Variants in TNFRSF10A observed in about 807,000 individuals in gnomAD.
TNFRSF10A encodes TNF receptor superfamily member 10a, also known as tumor necrosis factor receptor superfamily member 10A.
A neutral mutation model predicts 42.8 loss-of-function variants in TNFRSF10A; 44 were observed. The observed-to-expected ratio is 1.03, with a 90% CI of 0.81 to 1.32. The LOEUF is 1.32. Among genes scored for constraint, TNFRSF10A ranks in the 40% most tolerant of loss-of-function variants. The pLI is 0.00. For synonymous variants in TNFRSF10A, 259 were observed against 234.2 expected, an observed-to-expected ratio of 1.11 and a Z score of -0.97; for missense variants, 680 against 602.0, an observed-to-expected ratio of 1.13 and a Z score of -1.36.
chr8:23,192,025 A>C lies in TNFRSF10A; in HGVS notation c.1088-12T>G. The C allele has an allele frequency of 1.2e-6, 2 of 1,606,958 alleles. No individual in the cohort carries two copies. Among genetic ancestry groups the C allele is most frequent in the Non-Finnish European group, 1.7e-6 (2 of 1,177,660 alleles). ...GAACAGCATCAGAGCTGGGTGGAGAAAGCCACAGAGACAGCCAGATGAGTT... is the reference window on the plus strand; with the variant it reads ...GAACAGCATCAGAGCTGGGTGGAGACAGCCACAGAGACAGCCAGATGAGTT... On this transcript the variant is annotated splice_polypyrimidine_tract_variant and intron_variant, in intron 9 of 9. Transcript: ENST00000221132.
chr8:23,212,807 A>G (rs1801108977), intron 1 of TNFRSF10A, among the ~76,000 whole-genome samples: 1 of 152,254 alleles, frequency 6.6e-6, no homozygotes, highest in South Asian at 2.1e-4. Flanking sequence ...GCCAACAGCT[A>G]CCATCCTACT....
chr8:23,197,029 C>T, intron 9 of TNFRSF10A, 103 bp downstream of exon 9: 2 of 1,492,790 alleles, frequency 1.3e-6, no homozygotes, highest in Non-Finnish European at 1.9e-6. Flanking sequence ...CAGTTTCTGG[C>T]ATGGAATGCT....
intron 3 of TNFRSF10A, 23 bp downstream of exon 3, chr8:23,202,625 C>G: frequency 6.3e-7 from 1 of 1,596,016 alleles, no homozygotes; most frequent in African/African-American, 1.3e-5. Flanking sequence ...CACCTCTGGA[C>G]AAGAGGTCCA....
chr8:23,222,259 T>G (rs1242656124), intron 1 of TNFRSF10A, among the ~76,000 whole-genome samples: 2 of 152,204 alleles, frequency 1.3e-5, no homozygotes, highest in Non-Finnish European at 2.9e-5. Flanking sequence ...AACAAAATTC[T>G]ACATTGATGA....
chr8:23,201,723 G>C (rs747595949), intron 4 of TNFRSF10A, 85 bp downstream of exon 4: 11 of 1,259,008 alleles, frequency 8.7e-6, no homozygotes, highest in Admixed American at 1.9e-5. Flanking sequence ...ATAGATACGG[G>C]TACAAGGAGA....
intron 9 of TNFRSF10A, among the ~76,000 whole-genome samples, chr8:23,192,441 G>A (rs570610351): frequency 6.6e-6 from 1 of 152,316 alleles, no homozygotes; most frequent in East Asian, 1.9e-4. Context: ...GAAAGTGCAG[G>A]GTCTGGGGCA....
intron 2 of TNFRSF10A, among the ~76,000 whole-genome samples, chr8:23,206,657 G>A (rs1165820722): frequency 6.6e-6 from 1 of 152,168 alleles, no homozygotes; most frequent in Non-Finnish European, 1.5e-5. Context: ...ATCATTAACT[G>A]AGGCATGACT....
chr8:23,199,304 C>T lies in TNFRSF10A; in HGVS notation c.976G>A (p.Val326Ile), dbSNP rs140844059. 1.1e-5 allele frequency: 18 copies of T among 1,614,092 alleles called. No individual in the cohort carries two copies. In the African/African-American group the frequency reaches 2.3e-4, roughly 20 times the overall value. The change falls in exon 8 of 10, where the codon GTC becomes ATC. Residue 326 changes from valine to isoleucine, a missense_variant. Transcript: ENST00000221132. ...GCCTCCCCTGGGGACTGTACAGTGACACCTGTCAAATCTGCCGGCTCCTGG... is the reference window on the plus strand; with the variant it reads ...GCCTCCCCTGGGGACTGTACAGTGATACCTGTCAAATCTGCCGGCTCCTGG... ...ESQEPADLTG[V>I]TVQSPGEAQC...
intron 6 of TNFRSF10A, 62 bp downstream of exon 6, chr8:23,200,443 G>C: frequency 1.9e-6 from 3 of 1,584,190 alleles, no homozygotes; most frequent in South Asian, 2.2e-5. Flanking sequence ...GTTTCTGTCT[G>C]TGGGAACAGA....
At chr8:23,207,632 T>C (rs1221885036) in intron 2 of TNFRSF10A, among the ~76,000 whole-genome samples, 1 of 152,182 alleles carries the variant, frequency 6.6e-6, no homozygotes, top group Non-Finnish European at 1.5e-5. Flanking sequence ...AGGGATCCAA[T>C]GGGAGGTAAT....
chr8:23,192,266 C>T (rs529659011), intron 9 of TNFRSF10A, among the ~76,000 whole-genome samples: 25 of 152,344 alleles, frequency 1.6e-4, no homozygotes, highest in African/African-American at 5.0e-4. Context: ...GGGCTGAGAA[C>T]CCACCTGGGG....
intron 2 of TNFRSF10A, among the ~76,000 whole-genome samples, chr8:23,209,673 C>G (rs1317581626): frequency 1.3e-5 from 2 of 152,200 alleles, no homozygotes; most frequent in Non-Finnish European, 2.9e-5. Flanking sequence ...GACAATGTCA[C>G]CCATTTGGAA....
intron 1 of TNFRSF10A, among the ~76,000 whole-genome samples, chr8:23,217,142 C>A (rs1294645979): frequency 1.3e-5 from 2 of 152,122 alleles, no homozygotes; most frequent in South Asian, 2.1e-4. Flanking sequence ...TCCTTTTGAG[C>A]GTTGCTTCAT....
intron 7 of TNFRSF10A, 58 bp from the exon 8 acceptor site, chr8:23,199,506 G>A (rs542247347): frequency 9.5e-6 from 15 of 1,581,358 alleles, no homozygotes; most frequent in East Asian, 2.3e-5. Context: ...CACGGGGTCC[G>A]TAGGGCACGG....
intron 1 of TNFRSF10A, among the ~76,000 whole-genome samples, chr8:23,216,566 AC>A (rs1481022830): frequency 1.3e-5 from 2 of 151,894 alleles, no homozygotes; most frequent in African/African-American, 2.4e-5. Flanking sequence ...ACATGGTGAA[AC>A]CCTATCTGTA....
chr8:23,191,877 C>A lies in TNFRSF10A; in HGVS notation c.1224G>T (p.Leu408Phe). ...RAGTAGPGDA[L>F]YAMLMKWVNK... ...TGACCCATTTCATCAGCATTGCATA[C>A]AAGGCATCCCCTGGGCCTGCTGTAC... Residue 408 changes from leucine (L) to phenylalanine (F), a missense_variant, in exon 10 of 10, where the codon TTG becomes TTT. Coordinates refer to ENST00000221132, the MANE Select transcript of TNFRSF10A (RefSeq NM_003844.4). 6.2e-7 allele frequency: 1 copy of A among 1,614,132 alleles called. No homozygotes were observed. Among genetic ancestry groups the A allele is most frequent in the Non-Finnish European group, 8.5e-7 (1 of 1,180,022 alleles).
At chr8:23,221,339 A>G (rs1735189520) in intron 1 of TNFRSF10A, among the ~76,000 whole-genome samples, 1 of 152,250 alleles carries the variant, frequency 6.6e-6, no homozygotes, top group Admixed American at 6.5e-5. Context: ...AGAGCTGAAG[A>G]GGAGCACGGC....
chr8:23,202,087 C>G lies in TNFRSF10A; in HGVS notation c.518-168G>C, dbSNP rs529908117. Among the ~76,000 whole-genome samples the G allele has an allele frequency of 3.3e-5, 5 of 151,634 alleles. No individual in the cohort carries two copies. The South Asian group carries it at 8.4e-4, about 25-fold the overall frequency. On this transcript the variant is annotated intron_variant, in intron 3 of 9. Transcript: ENST00000221132. The stretch of plus-strand genomic sequence containing the variant: ...ACTCGGGCTCACACAGGACACCCAC[C>G]CTTCAGCTGTCACCAACACTTGGAG...
Position 23,197,219 on chromosome 8 carries a change from G to A in TNFRSF10A, c.1015-15C>T. 3.7e-6 allele frequency: 6 copies of A among 1,614,044 alleles called. No homozygotes were observed. The highest frequency in any genetic ancestry group is 2.2e-5 in the East Asian group (1 of 44,870). On this transcript the variant is annotated splice_polypyrimidine_tract_variant and intron_variant, in intron 8 of 9. Coordinates refer to ENST00000221132, the MANE Select transcript of TNFRSF10A (RefSeq NM_003844.4). ...TCTGCCGGTCCCTGTAACACACAGT[G>A]GGGAATGCCTTGGTCTGAGTCAGGG...
Sources: allele counts gnomAD v4.1 joint callset (sites outside exome capture counted in the v4.1 genomes callset), GRCh38; gene constraint gnomAD v4.1.1; transcripts MANE v1.5; gene names NCBI Gene and HGNC (gene_info 2026-07-23, HGNC 2026-07-21).